Variants in IQGAP3 observed in about 807,000 individuals in gnomAD.
IQGAP3 encodes IQ motif containing GTPase activating protein 3, also known as ras GTPase-activating-like protein IQGAP3.
IQGAP3 carries 165 observed loss-of-function variants against 208.2 expected under a neutral mutation model. That is an observed-to-expected ratio of 0.79 (90% CI 0.70 to 0.90). The LOEUF is 0.90. Ranked by LOEUF, IQGAP3 falls within the 40% of genes least tolerant of loss-of-function variation. IQGAP3 has a pLI of 0.00. For synonymous variants in IQGAP3, 703 were observed against 803.6 expected, an observed-to-expected ratio of 0.87 and a Z score of 2.12; for missense variants, 1,811 against 2,043.1, an observed-to-expected ratio of 0.89 and a Z score of 2.19.
chr1:156,570,434 GGCCTAGACCTGA>G lies in IQGAP3; in HGVS notation c.38-983_38-972del, dbSNP rs566330099. Among the ~76,000 whole-genome samples, 826 of 152,256 alleles carry G rather than the reference GGCCTAGACCTGA, an allele frequency of 5.4e-3. 4 individuals are homozygous for G. Among genetic ancestry groups the G allele is most frequent in the Middle Eastern group, 0.024 (7 of 294 alleles). On this transcript the variant is annotated intron_variant, in intron 1 of 37. Transcript: ENST00000361170. ...TGCAAACCTGTACTCCCAGCTACTG[GGCCTAGACCTGA>G]GCCCAGGAGGTCTAGGCTGCGGTTA...
chr1:156,554,932 C>T (rs1215766134), intron 12 of IQGAP3, among the ~76,000 whole-genome samples: 3 of 152,168 alleles, frequency 2.0e-5, no homozygotes, highest in African/African-American at 7.2e-5. Flanking sequence ...TGGTGCGTAC[C>T]TGTCATCCCA....
intron 26 of IQGAP3, 148 bp from the exon 27 acceptor site, chr1:156,537,469 G>A: frequency 1.4e-6 from 1 of 722,236 alleles, no homozygotes; most frequent in Non-Finnish European, 2.1e-6. Context: ...GAAAGGGCCA[G>A]AATGAGAGAA....
chr1:156,555,206 G>A (rs1171024385), intron 12 of IQGAP3, among the ~76,000 whole-genome samples: 1 of 152,096 alleles, frequency 6.6e-6, no homozygotes, highest in African/African-American at 2.4e-5. Flanking sequence ...ATCTGCTTAT[G>A]CCGTGCCCTT....
chr1:156,526,576 C>A lies in IQGAP3; in HGVS notation c.4806G>T (p.Glu1602Asp), dbSNP rs765690308. ...TGAAGAGTTTCATGACAGCCACACC[C>A]TCATACTGGAGCTGCAGGAGATCCT... ...HYQDLLQLQY[E>D]GVAVMKLFNK... is the part of the protein sequence containing the mutation. Residue 1602 changes from glutamate to aspartate, a missense_variant, in exon 38 of 38, where the codon GAG becomes GAT. Physicochemically the swap from Glu to Asp is conservative, Grantham distance 45. Transcript: ENST00000361170. 1.2e-6 allele frequency: 2 copies of A among 1,613,962 alleles called. No individual in the cohort carries two copies. The highest frequency in any genetic ancestry group is 3.3e-5 in the Admixed American group (2 of 60,032).
At chr1:156,532,642 G>A (rs1674465611) in intron 32 of IQGAP3, among the ~76,000 whole-genome samples, 1 of 152,078 alleles carries the variant, frequency 6.6e-6, no homozygotes, top group Non-Finnish European at 1.5e-5. Flanking sequence ...GAGGCCAGGA[G>A]TTTGAGGCCA....
chr1:156,564,163 A>T (rs528446404), intron 5 of IQGAP3, among the ~76,000 whole-genome samples: 1 of 152,242 alleles, frequency 6.6e-6, no homozygotes, highest in Non-Finnish European at 1.5e-5. Flanking sequence ...GCACAAAGGG[A>T]CATGGGAAGT....
intron 9 of IQGAP3, 93 bp downstream of exon 9, chr1:156,562,494 C>T: frequency 9.8e-7 from 1 of 1,017,642 alleles, no homozygotes; most frequent in Non-Finnish European, 1.6e-6. Context: ...GACCATAGGG[C>T]TTTCTGGCTT....
At chr1:156,535,286 G>A in intron 27 of IQGAP3, 39 bp from the exon 28 acceptor site, 1 of 1,398,496 alleles carries the variant, frequency 7.2e-7, no homozygotes, top group South Asian at 1.2e-5. Flanking sequence ...CTGTGCCTCT[G>A]CCCATCTCTC....
At chr1:156,554,640 T>C (rs930354817) in intron 12 of IQGAP3, among the ~76,000 whole-genome samples, 2 of 152,202 alleles carry the variant, frequency 1.3e-5, no homozygotes, top group African/African-American at 4.8e-5. Context: ...CATAGTACCA[T>C]TAACATCCCC....
At chr1:156,552,188 C>T in intron 13 of IQGAP3, 93 bp from the exon 14 acceptor site, 2 of 1,438,662 alleles carry the variant, frequency 1.4e-6, no homozygotes, top group Non-Finnish European at 1.9e-6. Context: ...TTCACTTGAC[C>T]TCCAGGACAC....
In IQGAP3 at chr1:156,553,037, G is replaced by A. The variant is rs148776281; in HGVS notation, c.1449-942C>T. On this transcript the variant is annotated intron_variant, in intron 13 of 37. Coordinates refer to ENST00000361170, the MANE Select transcript of IQGAP3 (RefSeq NM_178229.5). Reference sequence around the variant, plus strand: ...TGCAGTGAGCCATGATTGCACCACTGCACTCCAGCCTGGGTGACAGAGCAA... The same window carrying A: ...TGCAGTGAGCCATGATTGCACCACTACACTCCAGCCTGGGTGACAGAGCAA... Among the ~76,000 whole-genome samples the A allele has an allele frequency of 6.8e-3, 1,040 of 152,260 alleles. 10 individuals are homozygous for A. Among genetic ancestry groups the A allele is most frequent in the African/African-American group, 0.024 (1,000 of 41,542 alleles).
chr1:156,552,734 A>G (rs1212080850), intron 13 of IQGAP3, among the ~76,000 whole-genome samples: 2 of 151,936 alleles, frequency 1.3e-5, no homozygotes, highest in Non-Finnish European at 2.9e-5. Context: ...TTCCCCTTGT[A>G]CTCCTGCAGT....
rs768517691 is a variant in IQGAP3 at position 156,540,773 on chromosome 1, C to G, written c.2674G>C (p.Glu892Gln). The G allele has an allele frequency of 6.2e-7, 1 of 1,614,134 alleles. No individual in the cohort carries two copies. Among genetic ancestry groups the G allele is most frequent in the East Asian group, 2.2e-5 (1 of 44,868 alleles). ...ATGTCCATGATGTTGAGGTCCTGCTCCAGCTGCTGATTGGATCGGATCTTC... is the reference window on the plus strand; with the variant it reads ...ATGTCCATGATGTTGAGGTCCTGCTGCAGCTGCTGATTGGATCGGATCTTC... ...VRKIRSNQQL[E>Q]QDLNIMDIKI... Residue 892 changes from glutamate (E) to glutamine (Q), a missense_variant, in exon 23 of 38, where the codon GAG (glutamate) becomes CAG (glutamine). Transcript: ENST00000361170.
chr1:156,561,056 C>T (rs1174964742), intron 10 of IQGAP3, 35 bp from the exon 11 acceptor site: 1 of 1,484,634 alleles, frequency 6.7e-7, no homozygotes, highest in Non-Finnish European at 9.4e-7. Context: ...GAATGGAGTC[C>T]TTCCGGGGCC....
At chr1:156,567,277 C>G (rs980286572) in intron 2 of IQGAP3, among the ~76,000 whole-genome samples, 4 of 152,198 alleles carry the variant, frequency 2.6e-5, no homozygotes, top group Non-Finnish European at 5.9e-5. Flanking sequence ...GAATGATCTA[C>G]ATGGCTCATA....
intron 22 of IQGAP3, among the ~76,000 whole-genome samples, chr1:156,542,111 ATAAGTCT>A (rs1436036787): frequency 1.3e-5 from 2 of 152,196 alleles, no homozygotes; most frequent in Non-Finnish European, 2.9e-5. Context: ...GGGCATCATG[ATAAGTCT>A]TAAGGAGGTG....
Position 156,550,197 on chromosome 1 carries a change from G to A in IQGAP3, c.1825+64C>T, listed in dbSNP as rs1571340027. 12 of 1,148,684 alleles carry A rather than the reference G, an allele frequency of 1.0e-5. 1 individual carries two copies. The highest frequency in any genetic ancestry group is 6.3e-5 in the South Asian group (5 of 78,764). 71.2% of individuals were successfully genotyped at this position (1,148,684 alleles called of 1,614,324 possible). ...GACCAGGGAGGCTGCCTGATTATCT[G>A]GGCTGCTGCTGAGCCCACATCACCA... On this transcript the variant is annotated intron_variant, in intron 16 of 37. Transcript: ENST00000361170.
At position 156,559,141 on chromosome 1, in the gene IQGAP3, A is replaced by G. The variant is rs1272256108; in HGVS notation, c.1129+1793T>C. Reference sequence around the variant, plus strand: ...CAATAAAAAAAAAAAAAAAAAAAAAAAAAGAAATTGAGTAGCTCAGCATGT... The same window carrying G: ...CAATAAAAAAAAAAAAAAAAAAAAAGAAAGAAATTGAGTAGCTCAGCATGT... On this transcript the variant is annotated intron_variant, in intron 11 of 37. Transcript: ENST00000361170. Among the ~76,000 whole-genome samples, 4 of 748 alleles carry G rather than the reference A, an allele frequency of 5.3e-3. 2 individuals are homozygous for G. Among genetic ancestry groups the G allele is most frequent in the African/African-American group, 5.4e-3 (4 of 746 alleles). 0.5% of individuals were successfully genotyped at this position (748 alleles called of 152,430 possible). A position where few individuals can be genotyped will look rare whatever the true frequency, so the allele number is the denominator to read the frequency against.
intron 34 of IQGAP3, among the ~76,000 whole-genome samples, chr1:156,529,721 C>G (rs552684779): frequency 2.0e-5 from 3 of 152,028 alleles, no homozygotes; most frequent in African/African-American, 7.2e-5. Flanking sequence ...GAGTTCGAAA[C>G]CAGCCAGGCC....
Sources: allele counts gnomAD v4.1 joint callset (sites outside exome capture counted in the v4.1 genomes callset), GRCh38; gene constraint gnomAD v4.1.1; transcripts MANE v1.5; gene names NCBI Gene and HGNC (gene_info 2026-07-23, HGNC 2026-07-21).